NWD2: variants seen among roughly 807,000 people sequenced by gnomAD.
NWD2 encodes NACHT and WD repeat domain-containing protein 2.
Under a neutral mutation model 132.7 loss-of-function variants are expected in NWD2, and 37 were observed. The ratio of observed to expected loss-of-function variants is 0.28; its 90% confidence interval spans 0.21 to 0.37. The LOEUF (loss-of-function observed/expected upper bound fraction) is 0.37, where lower values mean the gene tolerates loss of function less well. NWD2 is among the 10% of genes least tolerant of loss of function. The probability of loss-of-function intolerance (pLI) is 1.00; values close to 1 mark genes in which losing one functional copy is unlikely to be tolerated. For synonymous variants in NWD2, 705 were observed against 803.0 expected (o/e 0.88, Z 2.06); for missense variants, 1,592 against 2,122.4 (o/e 0.75, Z 4.91).
intron 2 of NWD2, among the ~76,000 whole-genome samples, chr4:37,354,012 C>A (rs931832528): frequency 6.6e-6 from 1 of 151,990 alleles, no homozygotes; most frequent in Admixed American, 6.6e-5. Context: ...ATGCTGGTGA[C>A]CTTAGGGTGG....
At chr4:37,348,637 C>CATATAT (rs370439742) in intron 2 of NWD2, among the ~76,000 whole-genome samples, 20 of 26,538 alleles carry the variant, frequency 7.5e-4, no homozygotes, top group African/African-American at 2.5e-3. Flanking sequence ...GTGGTTAATT[C>CATATAT]ATATATATAT....
intron 2 of NWD2, among the ~76,000 whole-genome samples, chr4:37,342,801 G>A (rs189049202): frequency 6.6e-6 from 1 of 152,294 alleles, no homozygotes; most frequent in East Asian, 1.9e-4. Flanking sequence ...GCAGTTAGTT[G>A]TCTACAGAAG....
Position 37,446,315 on chromosome 4 carries a change from T to C in NWD2, c.4327T>C (p.Phe1443Leu). 6.4e-7 allele frequency: 1 copy of C among 1,551,878 alleles called. No homozygotes were observed. Among genetic ancestry groups the C allele is most frequent in the South Asian group, 1.2e-5 (1 of 84,060 alleles). ...CATTCTGACCACTTTGCAGAATGCC[T>C]TTATTACCTCCGCAAATACCTTCGT... ...CNILTTLQNA[F>L]ITSANTFVVG... Residue 1443 changes from phenylalanine to leucine, a missense_variant, in exon 7 of 7, where the codon TTT (phenylalanine) becomes CTT (leucine). Coordinates refer to ENST00000309447, the MANE Select transcript of NWD2 (RefSeq NM_001144990.2). The surrounding 1 kb of genome is among the most constrained non-coding windows in gnomAD (Gnocchi z 6.7).
intron 3 of NWD2, among the ~76,000 whole-genome samples, chr4:37,409,287 A>G (rs2973218): frequency 0.24 from 36,345 of 151,748 alleles, 5,148 homozygotes; most frequent in Middle Eastern, 0.31. Context: ...ATGGCTAACT[A>G]GAATAACCAG....
intron 1 of NWD2, among the ~76,000 whole-genome samples, chr4:37,314,766 A>G (rs1232855740): frequency 1.3e-5 from 2 of 151,902 alleles, no homozygotes; most frequent in Non-Finnish European, 2.9e-5. Context: ...TTATTGTTTC[A>G]TTGATTTGTA....
intron 3 of NWD2, among the ~76,000 whole-genome samples, chr4:37,380,490 A>C (rs1362747303): frequency 6.6e-6 from 1 of 152,200 alleles, no homozygotes. Flanking sequence ...TAATATTAAA[A>C]CTTACTATAC....
Position 37,430,652 on chromosome 4 carries a change from C to T in NWD2, c.438C>T (p.Ala146=), listed in dbSNP as rs920651577. The part of the protein sequence containing the change: ...EASEFEMILD[A]AIEAKLETKL... ...CAGAGTTTGAAATGATTTTGGATGC[C>T]GCCATAGAGGCAAAGCTGGAGACCA... Residue 146 remains alanine (A), a synonymous_variant, in exon 4 of 7, where the codon GCC becomes GCT. Transcript: ENST00000309447. The T allele has an allele frequency of 7.7e-6, 12 of 1,551,312 alleles. No homozygotes were observed. Among genetic ancestry groups the T allele is most frequent in the East Asian group, 4.9e-5 (2 of 40,930 alleles).
chr4:37,278,259 A>G (rs1718064678), intron 1 of NWD2, among the ~76,000 whole-genome samples: 1 of 152,156 alleles, frequency 6.6e-6, no homozygotes, highest in Non-Finnish European at 1.5e-5. Flanking sequence ...TGCTCTCTGC[A>G]TGTGCTCTCA....
intron 6 of NWD2, among the ~76,000 whole-genome samples, chr4:37,441,889 A>T (rs1466862609): frequency 1.3e-5 from 2 of 152,276 alleles, no homozygotes; most frequent in South Asian, 4.2e-4. Context: ...TGAGCTCGTG[A>T]TGGTAGGGCT....
At chr4:37,350,085 G>A (rs1290788413) in intron 2 of NWD2, among the ~76,000 whole-genome samples, 5 of 152,132 alleles carry the variant, frequency 3.3e-5, no homozygotes, top group African/African-American at 4.8e-5. Context: ...TTTCATTACC[G>A]TAGCCTTGTA....
intron 2 of NWD2, 31 bp from the exon 3 acceptor site, chr4:37,356,335 A>G (rs1363352432): frequency 1.6e-6 from 2 of 1,221,734 alleles, no homozygotes; most frequent in South Asian, 1.6e-5. Flanking sequence ...GCCCACATGT[A>G]AACTAATGCT....
intron 3 of NWD2, among the ~76,000 whole-genome samples, chr4:37,407,689 A>T (rs922866737): frequency 1.3e-5 from 2 of 152,262 alleles, no homozygotes; most frequent in Admixed American, 1.3e-4. Flanking sequence ...GCAACTGGGA[A>T]CTAAATGTAG....
At chr4:37,318,541 A>G (rs1417044668) in intron 1 of NWD2, among the ~76,000 whole-genome samples, 1 of 152,120 alleles carries the variant, frequency 6.6e-6, no homozygotes, top group Non-Finnish European at 1.5e-5. Context: ...CCATCACCCT[A>G]GTACTGATCA....
Position 37,446,892 on chromosome 4 carries a change from T to C in NWD2, c.4904T>C (p.Phe1635Ser). ...SQRHLNIIVGFDDGSIGIYTV... is the reference protein window; with the variant it reads ...SQRHLNIIVGSDDGSIGIYTV... ...AGGCACCTGAACATCATTGTGGGCT[T>C]TGATGATGGGAGTATAGGGATCTAC... is the stretch of plus-strand genomic sequence containing the variant. The change falls in exon 7 of 7, where the codon TTT becomes TCT. Residue 1635 changes from phenylalanine to serine, a missense_variant. This residue lies in a region of NWD2 where 257 missense variants were observed against 335.0 expected (regional missense o/e 0.77). Coordinates refer to ENST00000309447, the MANE Select transcript of NWD2 (RefSeq NM_001144990.2). The surrounding 1 kb of genome is among the most constrained non-coding windows in gnomAD (Gnocchi z 6.7). The C allele has an allele frequency of 6.7e-7, 1 of 1,482,542 alleles. No homozygotes were observed. The highest frequency in any genetic ancestry group is 9.0e-7 in the Non-Finnish European group (1 of 1,108,156). The allele number at this position is 1,482,542 out of a possible 1,614,324, so 91.8% of individuals were successfully genotyped here.
In NWD2 at chr4:37,434,653, T is replaced by G. The variant is rs146432864; in HGVS notation, c.706+633T>G. On this transcript the variant is annotated intron_variant, in intron 5 of 6. Transcript: ENST00000309447. ...CTGAATTACGGAAGAAAATCAGAAC[T>G]GACAGTGCCATATGCATCTAAGGTA... 4.7e-4 allele frequency among the ~76,000 whole-genome samples: 72 copies of G among 152,200 alleles called. 1 individual carries two copies. In the East Asian group the frequency reaches 0.014, roughly 29 times the overall value.
intron 3 of NWD2, among the ~76,000 whole-genome samples, chr4:37,374,815 A>G (rs1346306114): frequency 1.3e-5 from 2 of 152,262 alleles, no homozygotes; most frequent in African/African-American, 4.8e-5. Flanking sequence ...AGCTACATAT[A>G]TAGTATTTTA....
chr4:37,380,553 T>A (rs974028364), intron 3 of NWD2, among the ~76,000 whole-genome samples: 1 of 152,210 alleles, frequency 6.6e-6, no homozygotes, highest in African/African-American at 2.4e-5. Flanking sequence ...TAGCACAGGG[T>A]CTTACCCATA....
At chr4:37,283,962 A>G (rs1361755602) in intron 1 of NWD2, among the ~76,000 whole-genome samples, 2 of 152,214 alleles carry the variant, frequency 1.3e-5, no homozygotes, top group African/African-American at 4.8e-5. Flanking sequence ...AAATACTGAA[A>G]ACATTTTATG....
intron 3 of NWD2, among the ~76,000 whole-genome samples, chr4:37,406,568 A>G (rs1419838309): frequency 6.6e-6 from 1 of 152,226 alleles, no homozygotes; most frequent in Non-Finnish European, 1.5e-5. Context: ...TAGAATGGAT[A>G]AAGAAAATGT....
Sources: gnomAD v4.1 joint callset for allele counts (sites outside exome capture counted in the v4.1 genomes callset) on GRCh38, gnomAD v4.1.1 for gene constraint, gnomAD v4.1.1 regional missense constraint, Gnocchi (gnomAD v3.1) non-coding constraint, MANE v1.5 for transcripts, NCBI Gene and HGNC (gene_info 2026-07-23, HGNC 2026-07-21) for gene names.